The following CALB2 variants were observed in gnomAD, a reference collection of about 807,000 sequenced individuals.
CALB2 encodes calbindin 2.
Under a neutral mutation model 45.9 loss-of-function variants are expected in CALB2, and 34 were observed. That is an observed-to-expected ratio of 0.74 (90% CI 0.56 to 0.99). The LOEUF (loss-of-function observed/expected upper bound fraction) is 0.99, where lower values mean the gene tolerates loss of function less well. Ranked by LOEUF, CALB2 falls within the 50% of genes least tolerant of loss-of-function variation. The pLI is 0.00. For missense variants in CALB2, 344 were observed against 339.3 expected (o/e 1.01, Z -0.11); for synonymous variants, 142 against 129.6 (o/e 1.10, Z -0.65).
chr16:71,380,287 CTTTTCTTTTTTTTTTTTTTTTT>C lies in CALB2; in HGVS notation c.343-2427_343-2406del, dbSNP rs1298677070. 8.6e-4 allele frequency among the ~76,000 whole-genome samples: 75 copies of C among 87,112 alleles called. 2 individuals carry two copies. The highest frequency in any genetic ancestry group is 2.8e-3 in the African/African-American group (66 of 23,846). 57.1% of individuals were successfully genotyped at this position (87,112 alleles called of 152,430 possible). ...CTTTTCTTTCTTTCTTCTTTCCTTC[CTTTTCTTTTTTTTTTTTTTTTT>C]TTTTTTTTTTTTTTTTTTGAGACGG... On this transcript the variant is annotated intron_variant, in intron 4 of 10. Coordinates refer to ENST00000302628, the MANE Select transcript of CALB2 (RefSeq NM_001740.5).
At chr16:71,389,533 T>C in intron 10 of CALB2, 1 of 715,908 alleles carries the variant, frequency 1.4e-6, no homozygotes, top group East Asian at 2.7e-5. Context: ...GAAGGTTGAC[T>C]ACCTTCCCCA....
intron 3 of CALB2, 93 bp from the exon 4 acceptor site, chr16:71,377,574 C>A: frequency 1.2e-6 from 1 of 812,716 alleles, no homozygotes; most frequent in Non-Finnish European, 2.1e-6. Context: ...ACTGCCTCGC[C>A]ACTGGCCCTT....
intron 1 of CALB2, 35 bp from the exon 2 acceptor site, chr16:71,372,118 G>A (rs747265270): frequency 1.4e-6 from 2 of 1,436,046 alleles, no homozygotes; most frequent in Non-Finnish European, 2.0e-6. Flanking sequence ...TTACTATTTA[G>A]TGCTGAGATT....
intron 10 of CALB2, among the ~76,000 whole-genome samples, chr16:71,388,468 G>C (rs1368391135): frequency 6.6e-6 from 1 of 152,136 alleles, no homozygotes; most frequent in East Asian, 1.9e-4. Flanking sequence ...CTATATTTCA[G>C]ACCCATTGGT....
chr16:71,380,269 T>G, intron 4 of CALB2, among the ~76,000 whole-genome samples: 1 of 149,874 alleles, frequency 6.7e-6, no homozygotes, highest in Admixed American at 6.7e-5. Flanking sequence ...TTTCTTTTCT[T>G]TCTTTCTTCT....
At position 71,373,222 on chromosome 16, in the gene CALB2, G is replaced by A. The variant is rs138180367; in HGVS notation, c.171+993G>A. 3.0e-3 allele frequency among the ~76,000 whole-genome samples: 463 copies of A among 152,256 alleles called. 1 individual carries two copies. Among genetic ancestry groups the A allele is most frequent in the Non-Finnish European group, 4.7e-3 (321 of 68,016 alleles). ...AGGCGTCTCTACTCTCCCCTGCTGC[G>A]TGTCTGTTGGCCAATCCACTGTTTA... On this transcript the variant is annotated intron_variant, in intron 2 of 10. Transcript: ENST00000302628.
chr16:71,381,684 G>A (rs1006460141), intron 4 of CALB2, among the ~76,000 whole-genome samples: 3 of 151,876 alleles, frequency 2.0e-5, no homozygotes, highest in Admixed American at 1.3e-4. Context: ...GGAGCTGGGG[G>A]AGAAGCGAAG....
At chr16:71,385,438 A>AT in intron 9 of CALB2, 139 bp from the exon 10 acceptor site, 1 of 588,098 alleles carries the variant, frequency 1.7e-6, no homozygotes, top group Non-Finnish European at 2.9e-6. Flanking sequence ...GGGACACATT[A>AT]TTTTGTCATT....
Position 71,375,547 on chromosome 16 carries a change from TATAA to T in CALB2, c.261+726_261+729del, listed in dbSNP as rs1011597685. On this transcript the variant is annotated intron_variant, in intron 3 of 10. Coordinates refer to ENST00000302628, the MANE Select transcript of CALB2 (RefSeq NM_001740.5). ...AACAAAACCCCATCTTTACAAACCA[TATAA>T]ATAAATAAATAAGAATGATGATGGT... Among the ~76,000 whole-genome samples the T allele has an allele frequency of 4.6e-5, 7 of 152,132 alleles. No individual in the cohort carries two copies. The South Asian group carries it at 6.2e-4, about 14-fold the overall frequency.
chr16:71,371,591 C>T (rs1319054404), intron 1 of CALB2, among the ~76,000 whole-genome samples: 1 of 152,136 alleles, frequency 6.6e-6, no homozygotes, highest in Non-Finnish European at 1.5e-5. Flanking sequence ...CCTCTGCCTC[C>T]ATCTTCACAT....
In CALB2 at chr16:71,385,275, G is replaced by A. The variant is rs931281577; in HGVS notation, c.628-302G>A. On this transcript the variant is annotated intron_variant, in intron 9 of 10. Transcript: ENST00000302628. ...GTTTTCTTCATAACCAGTGTTGGAG[G>A]TAAACTTTAAATAGCCCCCGGACTC... 7.8e-5 allele frequency: 29 copies of A among 371,348 alleles called. No individual in the cohort carries two copies. The East Asian group carries it at 1.2e-3, about 15-fold the overall frequency. 23.0% of individuals were successfully genotyped at this position (371,348 alleles called of 1,614,324 possible).
At position 71,383,437 on chromosome 16, in the gene CALB2, A is replaced by G. The variant is rs2042524230; in HGVS notation, c.470A>G (p.Gln157Arg). The G allele has an allele frequency of 6.2e-7, 1 of 1,613,946 alleles. No individual in the cohort carries two copies. The highest frequency in any genetic ancestry group is 1.3e-5 in the African/African-American group (1 of 74,932). ...GAGCCCAAGCTCCAGGAATACACCC[A>G]AACCATAGTGAGTGAACAGAAGTGT... ...YDEPKLQEYT[Q>R]TILRMFDLNG... The change falls in exon 6 of 11, where the codon CAA (glutamine) becomes CGA (arginine). Residue 157 changes from glutamine to arginine, a missense_variant. Gln to Arg is a conservative substitution (Grantham distance 43, BLOSUM62 1). Coordinates refer to ENST00000302628, the MANE Select transcript of CALB2 (RefSeq NM_001740.5).
intron 10 of CALB2, 39 bp downstream of exon 10, chr16:71,385,687 G>T: frequency 1.3e-6 from 2 of 1,577,390 alleles, no homozygotes; most frequent in Non-Finnish European, 1.7e-6. Context: ...CTGTCCCCAG[G>T]GCACAGGAGA....
chr16:71,382,579 C>T, intron 4 of CALB2, 140 bp from the exon 5 acceptor site: 1 of 775,582 alleles, frequency 1.3e-6, no homozygotes, highest in East Asian at 2.6e-5. Flanking sequence ...AGGGTCTGGG[C>T]TACATCATCT....
Position 71,383,984 on chromosome 16 carries a change from C to A in CALB2, c.492C>A (p.Asp164Glu), listed in dbSNP as rs1040223223. ...EYTQTILRMF[D>E]LNGDGKLGLS... ...GTCCCCAACAGCTACGGATGTTTGA[C>A]TTGAACGGGGATGGCAAATTGGGCC... is the stretch of plus-strand genomic sequence containing the variant. Residue 164 changes from aspartate (D) to glutamate (E), a missense_variant, in exon 7 of 11, where the codon GAC becomes GAA. Physicochemically the swap from Asp to Glu is conservative, Grantham distance 45. Around this residue, in one of 3 missense-constraint regions of CALB2, gnomAD observed 263 missense variants for 241.7 expected, o/e 1.09. Coordinates refer to ENST00000302628, the MANE Select transcript of CALB2 (RefSeq NM_001740.5). The A allele has an allele frequency of 4.3e-6, 7 of 1,613,778 alleles. No homozygotes were observed. In the African/African-American group the frequency reaches 6.7e-5, roughly 15 times the overall value.
chr16:71,382,625 C>T (rs2042512647), intron 4 of CALB2, 94 bp from the exon 5 acceptor site: 4 of 1,195,722 alleles, frequency 3.3e-6, no homozygotes, highest in Non-Finnish European at 4.9e-6. Flanking sequence ...TCTTGAAGAT[C>T]AAGACCCTGG....
Position 71,374,839 on chromosome 16 carries a change from G to C in CALB2, c.261+5G>C. 2 of 1,588,076 alleles carry C rather than the reference G, an allele frequency of 1.3e-6. No homozygotes were observed. Among genetic ancestry groups the C allele is most frequent in the African/African-American group, 1.3e-5 (1 of 74,566 alleles). On this transcript the variant is annotated splice_donor_5th_base_variant and intron_variant, in intron 3 of 10. Coordinates refer to ENST00000302628, the MANE Select transcript of CALB2 (RefSeq NM_001740.5). ...GGGAAAATCGAGATGGCAGAGGTGA[G>C]CCCTGCCTCGCTGGTAAAGAGCTGT...
At position 71,358,748 on chromosome 16, in the gene CALB2, C is replaced by A. The variant is rs898842960; in HGVS notation, c.-45C>A. ...AGCGCGAGTGCCAGAGCCCAGCCGG[C>A]GCGGAGCGGGAGCGGTGCAGGCTGA... On this transcript the variant is annotated 5_prime_UTR_variant, in exon 1 of 11. Transcript: ENST00000302628. 1 of 1,485,724 alleles carries A rather than the reference C, an allele frequency of 6.7e-7. No individual in the cohort carries two copies. The highest frequency in any genetic ancestry group is 9.2e-7 in the Non-Finnish European group (1 of 1,083,870). 92.0% of individuals were successfully genotyped at this position (1,485,724 alleles called of 1,614,324 possible).
At chr16:71,369,036 G>A (rs1470921435) in intron 1 of CALB2, among the ~76,000 whole-genome samples, 1 of 152,122 alleles carries the variant, frequency 6.6e-6, no homozygotes, top group Non-Finnish European at 1.5e-5. Context: ...GTTCAGTGGG[G>A]CGGGGCTCCG....
Sources: gnomAD v4.1 joint callset for allele counts (sites outside exome capture counted in the v4.1 genomes callset) on GRCh38, gnomAD v4.1.1 for gene constraint, gnomAD v4.1.1 regional missense constraint, MANE v1.5 for transcripts, NCBI Gene and HGNC (gene_info 2026-07-23, HGNC 2026-07-21) for gene names.